Variants in BMI1 observed in about 807,000 individuals in gnomAD.
BMI1 encodes BMI1 proto-oncogene, polycomb ring finger, also known as polycomb complex protein BMI-1.
BMI1 carries 9 observed loss-of-function variants against 39.1 expected under a neutral mutation model. The observed-to-expected ratio is 0.23, with a 90% CI of 0.14 to 0.40. The LOEUF (loss-of-function observed/expected upper bound fraction) is 0.40. Ranked by LOEUF, BMI1 falls within the 10% of genes least tolerant of loss-of-function variation. BMI1 has a pLI of 1.00. For synonymous variants in BMI1, 131 were observed against 127.9 expected, an observed-to-expected ratio of 1.02 and a Z score of -0.16; for missense variants, 252 against 390.8, an observed-to-expected ratio of 0.64 and a Z score of 2.99.
intron 5 of BMI1, 31 bp downstream of exon 5, chr10:22,327,823 A>C (rs1345328287): frequency 6.2e-7 from 1 of 1,612,878 alleles, no homozygotes; most frequent in South Asian, 1.1e-5. Context: ...AAGACATTTT[A>C]TATGGGGGGA....
rs532838361 is a variant in BMI1 at position 22,325,077 on chromosome 10, C to G, written c.-19-1354C>G. On this transcript the variant is annotated intron_variant, in intron 1 of 9. Transcript: ENST00000376663. The stretch of plus-strand genomic sequence containing the variant: ...ACCGATTAAAGTACTTTTTCTTGCC[C>G]CCAGCATAGTTTGTCCAAATAAAAC... 1.5e-4 allele frequency among the ~76,000 whole-genome samples: 23 copies of G among 152,296 alleles called. No homozygotes were observed. In the South Asian group the frequency reaches 4.8e-3, roughly 32 times the overall value.
intron 1 of BMI1, chr10:22,322,068 C>G (rs1046676041): frequency 9.2e-5 from 14 of 151,596 alleles, no homozygotes; most frequent in African/African-American, 3.4e-4. Flanking sequence ...CCCCGCTCCC[C>G]CGGGCGCCCC....
Position 22,326,966 on chromosome 10 carries a change from C to T in BMI1, c.189C>T (p.Thr63=), listed in dbSNP as rs759243024. ...TTTGTGATGTCCAAGTTCACAAGAC[C>T]AGACCACTACTGAATATAAGGTAGG... The part of the protein sequence containing the change: ...CPICDVQVHK[T]RPLLNIRSDK... The change falls in exon 3 of 10, where the codon ACC becomes ACT. Residue 63 remains threonine, a synonymous_variant. Transcript: ENST00000376663. 1.2e-6 allele frequency: 2 copies of T among 1,613,870 alleles called. No individual in the cohort carries two copies. The highest frequency in any genetic ancestry group is 1.7e-6 in the Non-Finnish European group (2 of 1,179,922).
intron 1 of BMI1, chr10:22,325,846 GCCCCGGCC>G: frequency 6.6e-6 from 1 of 152,120 alleles, no homozygotes. Flanking sequence ...CCGCGCTCAG[GCCCCGGCC>G]CAGGCCGACT....
At chr10:22,324,798 G>A (rs1340518978) in intron 1 of BMI1, among the ~76,000 whole-genome samples, 9 of 152,224 alleles carry the variant, frequency 5.9e-5, no homozygotes, top group Non-Finnish European at 1.2e-4. Flanking sequence ...GAATGAAGAA[G>A]GGGGGTTGAA....
chr10:22,324,330 T>G (rs1588618610), intron 1 of BMI1, among the ~76,000 whole-genome samples: 2 of 152,254 alleles, frequency 1.3e-5, no homozygotes, highest in East Asian at 3.8e-4. Context: ...AGAATTTTCT[T>G]TAAGCACCAA....
chr10:22,327,319 T>A (rs1310213230), intron 3 of BMI1, among the ~76,000 whole-genome samples: 1 of 152,196 alleles, frequency 6.6e-6, no homozygotes, highest in Non-Finnish European at 1.5e-5. Context: ...TATTCCCTAT[T>A]CATATTAGCT....
chr10:22,327,112 T>C lies in BMI1; in HGVS notation c.209+126T>C, dbSNP rs937094568. On this transcript the variant is annotated intron_variant, in intron 3 of 9. Transcript: ENST00000376663. The stretch of plus-strand genomic sequence containing the variant: ...ATACATAACTAATATGTGTGTGCTT[T>C]GTGGAGGGTAGCCGTTTAATTTCTT... 4.6e-6 allele frequency: 5 copies of C among 1,083,928 alleles called. No homozygotes were observed. In the African/African-American group the frequency reaches 6.3e-5, roughly 14 times the overall value. The allele number at this position is 1,083,928 out of a possible 1,614,324, so 67.1% of individuals were successfully genotyped here.
At position 22,329,922 on chromosome 10, in the gene BMI1, T is replaced by C. The variant is rs1016881588; in HGVS notation, c.*380T>C. Reference sequence around the variant, plus strand: ...ACATTCTCCTTGATCGTTCTTGTTATTACGCTGTTTTGTGAACCTGTAGAA... The same window carrying C: ...ACATTCTCCTTGATCGTTCTTGTTACTACGCTGTTTTGTGAACCTGTAGAA... On this transcript the variant is annotated 3_prime_UTR_variant, in exon 10 of 10. Coordinates refer to ENST00000376663, the MANE Select transcript of BMI1 (RefSeq NM_005180.9). 3 of 176,816 alleles carry C rather than the reference T, an allele frequency of 1.7e-5. No homozygotes were observed. Among genetic ancestry groups the C allele is most frequent in the African/African-American group, 7.1e-5 (3 of 42,006 alleles). 11.0% of individuals were successfully genotyped at this position (176,816 alleles called of 1,614,324 possible).
rs748326297 is a variant in BMI1 at position 22,327,033 on chromosome 10, T to C, written c.209+47T>C. The C allele has an allele frequency of 1.8e-5, 28 of 1,589,620 alleles. 1 individual carries two copies. The South Asian group carries it at 2.9e-4, about 17-fold the overall frequency. On this transcript the variant is annotated intron_variant, in intron 3 of 9. Coordinates refer to ENST00000376663, the MANE Select transcript of BMI1 (RefSeq NM_005180.9). ...TTGTTTGTAATTATTATTGGAGTTG[T>C]ATAATTTACTGAAGGCAACCCTCTT...
chr10:22,326,383 C>T (rs1836151564), intron 1 of BMI1, 48 bp from the exon 2 acceptor site: 2 of 1,602,090 alleles, frequency 1.2e-6, no homozygotes, highest in Non-Finnish European at 8.5e-7. Flanking sequence ...ACTAGATGAT[C>T]TCCATTCTTG....
At chr10:22,327,481 A>C in intron 3 of BMI1, 114 bp from the exon 4 acceptor site, 1 of 1,068,998 alleles carries the variant, frequency 9.4e-7, no homozygotes, top group Non-Finnish European at 1.3e-6. Flanking sequence ...ATAGTTATAG[A>C]CAGCATCACA....
In BMI1 at chr10:22,329,732, ATTG is replaced by A. The variant is rs1836243201; in HGVS notation, c.*196_*198del. 10 of 668,290 alleles carry A rather than the reference ATTG, an allele frequency of 1.5e-5. No individual in the cohort carries two copies. The highest frequency in any genetic ancestry group is 9.6e-5 in the Admixed American group (3 of 31,096). The allele number at this position is 668,290 out of a possible 1,614,324, so 41.4% of individuals were successfully genotyped here. Reference sequence around the variant, plus strand: ...CTATGGACGTTAATTGAAAAGAAAGATTGTTGTTATAAAGAATTGGTTTCTTGG... The same window carrying A: ...CTATGGACGTTAATTGAAAAGAAAGATTGTTATAAAGAATTGGTTTCTTGG... On this transcript the variant is annotated 3_prime_UTR_variant, in exon 10 of 10. Transcript: ENST00000376663.
intron 1 of BMI1, among the ~76,000 whole-genome samples, chr10:22,324,199 T>C (rs1836076308): frequency 6.6e-6 from 1 of 152,164 alleles, no homozygotes; most frequent in African/African-American, 2.4e-5. Flanking sequence ...AGGCAGCTAT[T>C]TTTATTGGAG....
chr10:22,327,736 A>AT lies in BMI1; in HGVS notation c.266-4dup. ...CCAAATGTTTACATCTTTTTTCCCC[A>AT]TTCAGATGAAATGAAGAGAAGAAGG... On this transcript the variant is annotated splice_region_variant and splice_polypyrimidine_tract_variant and intron_variant, in intron 4 of 9. Coordinates refer to ENST00000376663, the MANE Select transcript of BMI1 (RefSeq NM_005180.9). The AT allele has an allele frequency of 6.2e-7, 1 of 1,613,354 alleles. No homozygotes were observed. Among genetic ancestry groups the AT allele is most frequent in the Non-Finnish European group, 8.5e-7 (1 of 1,179,604 alleles).
chr10:22,322,960 C>T (rs1426972436), intron 1 of BMI1, among the ~76,000 whole-genome samples: 1 of 152,134 alleles, frequency 6.6e-6, no homozygotes, highest in Non-Finnish European at 1.5e-5. Context: ...TTAGTGGTCA[C>T]GGTTCAATAT....
rs576141346 is a variant in BMI1, at chr10:22,331,008, A to G, written c.*1466A>G. 3.3e-4 allele frequency: 51 copies of G among 152,704 alleles called. No homozygotes were observed. Among genetic ancestry groups the G allele is most frequent in the African/African-American group, 1.1e-3 (47 of 41,580 alleles). 9.5% of individuals were successfully genotyped at this position (152,704 alleles called of 1,614,324 possible). A position where few individuals can be genotyped will look rare whatever the true frequency, so the allele number is the denominator to read the frequency against. On this transcript the variant is annotated 3_prime_UTR_variant, in exon 10 of 10. Transcript: ENST00000376663. ...AACATTTCATTGTCCCCAGTCTGCA[A>G]AAGAAGCACAATTCTATTGCTTTGT...
Position 22,329,476 on chromosome 10 carries a change from ATCT to A in BMI1, c.920_922del (p.Ser307del). On this transcript the variant is annotated inframe_deletion, in exon 10 of 10. Coordinates refer to ENST00000376663, the MANE Select transcript of BMI1 (RefSeq NM_005180.9). ...GCAACAGCCCCAGCGGTAACCACCA[ATCT>A]TCTTTTGCCAATAGACCTCGAAAAT... 1.2e-6 allele frequency: 2 copies of A among 1,614,162 alleles called. No homozygotes were observed. Among genetic ancestry groups the A allele is most frequent in the Non-Finnish European group, 1.7e-6 (2 of 1,180,016 alleles).
At chr10:22,322,756 C>T (rs1234680413) in intron 1 of BMI1, among the ~76,000 whole-genome samples, 2 of 152,188 alleles carry the variant, frequency 1.3e-5, no homozygotes, top group South Asian at 2.1e-4. Context: ...TGCTAAATGT[C>T]AGCATAGGTC....
Sources: allele counts gnomAD v4.1 joint callset (sites outside exome capture counted in the v4.1 genomes callset), GRCh38; gene constraint gnomAD v4.1.1; transcripts MANE v1.5; gene names NCBI Gene and HGNC (gene_info 2026-07-23, HGNC 2026-07-21).